Variants in CPS1 observed in about 807,000 individuals in gnomAD.
CPS1 encodes carbamoyl-phosphate synthase [ammonia], mitochondrial.
CPS1 carries 109 observed loss-of-function variants against 174.6 expected under a neutral mutation model. The observed-to-expected ratio is 0.62, with a 90% CI of 0.53 to 0.73. The LOEUF (loss-of-function observed/expected upper bound fraction) is 0.73, where lower values mean the gene tolerates loss of function less well. Among genes scored for constraint, CPS1 ranks in the 30% least tolerant of loss-of-function variants. The pLI is 0.00. For synonymous variants in CPS1, 637 were observed against 632.0 expected, an observed-to-expected ratio of 1.01 and a Z score of -0.12; for missense variants, 1,689 against 1,821.9, an observed-to-expected ratio of 0.93 and a Z score of 1.33.
chr2:210,591,329 G>A (rs1368707489), intron 9 of CPS1, among the ~76,000 whole-genome samples: 6 of 151,940 alleles, frequency 3.9e-5, no homozygotes, highest in African/African-American at 7.2e-5. Flanking sequence ...CTTAAGAGCC[G>A]AGGAACCTTT....
rs1324574787 is a variant in CPS1, at chr2:210,635,272, C to G, written c.2688-2430C>G. ...TGAACTTTATTTATAGCTCTGTTCT[C>G]ATCCCTCCACTGCTGTAGTGTTTCT... is the stretch of plus-strand genomic sequence containing the variant. On this transcript the variant is annotated intron_variant, in intron 21 of 37. Transcript: ENST00000233072. Among the ~76,000 whole-genome samples, 11 of 152,242 alleles carry G rather than the reference C, an allele frequency of 7.2e-5. No homozygotes were observed. The East Asian group carries it at 1.2e-3, about 16-fold the overall frequency.
intron 28 of CPS1, among the ~76,000 whole-genome samples, chr2:210,653,334 A>AG (rs1700613727): frequency 6.6e-6 from 1 of 152,130 alleles, no homozygotes; most frequent in Non-Finnish European, 1.5e-5. Flanking sequence ...TATGTTGTGG[A>AG]GGGCATCCCG....
chr2:210,648,706 G>A (rs1031735985), intron 27 of CPS1, among the ~76,000 whole-genome samples, 166 bp downstream of exon 27: 1 of 152,194 alleles, frequency 6.6e-6, no homozygotes, highest in Non-Finnish European at 1.5e-5. Context: ...TGGTCTTCTA[G>A]TTTAATGCTT....
chr2:210,653,879 G>A, intron 28 of CPS1, 146 bp from the exon 29 acceptor site: 1 of 700,450 alleles, frequency 1.4e-6, no homozygotes, highest in Non-Finnish European at 2.6e-6. Flanking sequence ...GCACAGATTA[G>A]GTAATGAGTT....
intron 32 of CPS1, among the ~76,000 whole-genome samples, chr2:210,662,910 T>G (rs1225187910): frequency 6.6e-6 from 1 of 152,218 alleles, no homozygotes. Flanking sequence ...TTATTTAACC[T>G]AAAGTTTTGG....
At chr2:210,574,679 T>G (rs776985460) in intron 2 of CPS1, among the ~76,000 whole-genome samples, 1 of 152,098 alleles carries the variant, frequency 6.6e-6, no homozygotes, top group Non-Finnish European at 1.5e-5. Flanking sequence ...TGTGATAGTT[T>G]ACAGGTAATA....
rs1361109371 is a variant in CPS1 at position 210,606,852 on chromosome 2, T to C, written c.2103T>C (p.Phe701=). The C allele has an allele frequency of 6.2e-7, 1 of 1,612,698 alleles. No homozygotes were observed. Among genetic ancestry groups the C allele is most frequent in the Non-Finnish European group, 8.5e-7 (1 of 1,179,136 alleles). ...TTGTGGGTGAATGCAACATTCAGTT[T>C]GCCCTTCATCCTACCTCAATGGAAT... ...LGIVGECNIQ[F]ALHPTSMEYC... Residue 701 remains phenylalanine, a synonymous_variant, in exon 18 of 38, where the codon TTT becomes TTC. Transcript: ENST00000233072.
At chr2:210,530,394 T>C (rs1437136177) in intron 1 of CPS1, among the ~76,000 whole-genome samples, 1 of 152,112 alleles carries the variant, frequency 6.6e-6, no homozygotes, top group South Asian at 2.1e-4. Flanking sequence ...AATTATTCAC[T>C]ATTTTCTATC....
At chr2:210,487,075 G>A (rs896548902) in intron 1 of CPS1, among the ~76,000 whole-genome samples, 1 of 152,110 alleles carries the variant, frequency 6.6e-6, no homozygotes, top group Non-Finnish European at 1.5e-5. Flanking sequence ...ATACATTGAA[G>A]CATGTCTTTG....
At chr2:210,660,742 A>C in intron 32 of CPS1, 87 bp downstream of exon 32, 1 of 1,293,410 alleles carries the variant, frequency 7.7e-7, no homozygotes, top group African/African-American at 1.5e-5. Flanking sequence ...TGTTACTTTT[A>C]AAACCTTCTA....
intron 20 of CPS1, 46 bp downstream of exon 20, chr2:210,612,339 A>G (rs749782247): frequency 1.3e-6 from 2 of 1,592,126 alleles, no homozygotes; most frequent in Non-Finnish European, 1.7e-6. Context: ...CTTTTCCAGA[A>G]TGTAGTCAGT....
intron 21 of CPS1, among the ~76,000 whole-genome samples, chr2:210,628,869 A>G (rs1230574399): frequency 6.6e-6 from 1 of 152,168 alleles, no homozygotes; most frequent in Non-Finnish European, 1.5e-5. Context: ...AGAAAGATAT[A>G]TTGAAATATA....
rs752242735 is a variant in CPS1 at position 210,605,216 on chromosome 2, G to C, written c.1951G>C (p.Glu651Gln). The change falls in exon 17 of 38, where the codon GAA (glutamate) becomes CAA (glutamine). Residue 651 changes from glutamate (E) to glutamine (Q), a missense_variant. Physicochemically the swap from Glu to Gln is conservative, Grantham distance 29. Transcript: ENST00000233072. ...CAATTGTGTCACTGTCTGTAACATG[G>C]AAAATGTTGATGCCATGGGTGTTCA... is the stretch of plus-strand genomic sequence containing the variant. ...DDNCVTVCNM[E>Q]NVDAMGVHTG... 3.7e-6 allele frequency: 6 copies of C among 1,612,162 alleles called. No individual in the cohort carries two copies. The highest frequency in any genetic ancestry group is 5.1e-6 in the Non-Finnish European group (6 of 1,178,754).
chr2:210,640,008 AATTTTGATGACC>A lies in CPS1; in HGVS notation c.2911_2922del (p.Phe971_His974del). The A allele has an allele frequency of 6.2e-7, 1 of 1,611,008 alleles. No individual in the cohort carries two copies. Among genetic ancestry groups the A allele is most frequent in the Non-Finnish European group, 8.5e-7 (1 of 1,177,710 alleles). ...CTTATTTCCTCAGGAGCATGATGTC[AATTTTGATGACC>A]ATGGAATGATGGTGCTAGGCTGTGG... On this transcript the variant is annotated inframe_deletion, in exon 24 of 38. Transcript: ENST00000233072.
chr2:210,600,320 G>A (rs955634038), intron 14 of CPS1, among the ~76,000 whole-genome samples: 7 of 151,716 alleles, frequency 4.6e-5, no homozygotes, highest in African/African-American at 1.5e-4. Flanking sequence ...TTATTAATAA[G>A]GATAAAAATG....
chr2:210,610,475 C>G lies in CPS1; in HGVS notation c.2392-1642C>G, dbSNP rs372597901. Among the ~76,000 whole-genome samples, 6 of 151,760 alleles carry G rather than the reference C, an allele frequency of 4.0e-5. No homozygotes were observed. In the East Asian group the frequency reaches 9.7e-4, roughly 25 times the overall value. ...TCTGCAGTTGGTAAATTCAGAATAC[C>G]TAAACTGACCCGAATAGACAATGAA... is the stretch of plus-strand genomic sequence containing the variant. On this transcript the variant is annotated intron_variant, in intron 19 of 37. Coordinates refer to ENST00000233072, the MANE Select transcript of CPS1 (RefSeq NM_001875.5).
chr2:210,520,556 A>C (rs529366846), intron 1 of CPS1, among the ~76,000 whole-genome samples: 1 of 152,142 alleles, frequency 6.6e-6, no homozygotes, highest in South Asian at 2.1e-4. Flanking sequence ...AAGTGAGAAC[A>C]TGCACACTCA....
chr2:210,598,369 C>G (rs568342850), intron 13 of CPS1, among the ~76,000 whole-genome samples: 1 of 151,858 alleles, frequency 6.6e-6, no homozygotes, highest in African/African-American at 2.4e-5. Flanking sequence ...CAATACTAAC[C>G]TTGAATATAA....
intron 1 of CPS1, among the ~76,000 whole-genome samples, chr2:210,508,506 G>A (rs887147366): frequency 1.4e-4 from 22 of 152,104 alleles, no homozygotes; most frequent in Admixed American, 3.9e-4. Flanking sequence ...AAAGCTAGCA[G>A]AAGGCAAGAA....
Sources: gnomAD v4.1 joint callset for allele counts (sites outside exome capture counted in the v4.1 genomes callset) on GRCh38, gnomAD v4.1.1 for gene constraint, MANE v1.5 for transcripts, NCBI Gene and HGNC (gene_info 2026-07-23, HGNC 2026-07-21) for gene names.